The following DTNBP1 variants were observed in gnomAD, a reference collection of about 807,000 sequenced individuals.
DTNBP1 encodes dystrobrevin binding protein 1.
In DTNBP1, 35 loss-of-function variants were observed where a neutral mutation model predicts 42.8. The observed-to-expected ratio is 0.82, with a 90% CI of 0.63 to 1.09. The LOEUF is 1.09. DTNBP1 is among the 50% of genes least tolerant of loss of function. The probability of loss-of-function intolerance (pLI) is 0.00; values close to 1 mark genes in which losing one functional copy is unlikely to be tolerated. For synonymous variants in DTNBP1, 171 were observed against 162.2 expected (o/e 1.05, Z -0.41); for missense variants, 457 against 424.2 (o/e 1.08, Z -0.68).
intron 8 of DTNBP1, 74 bp from the exon 9 acceptor site, chr6:15,524,743 T>C: frequency 6.3e-7 from 1 of 1,577,346 alleles, no homozygotes; most frequent in Non-Finnish European, 8.6e-7. Flanking sequence ...CCATTGGCAT[T>C]AGGCTAACTA....
At chr6:15,635,900 G>A (rs1274044696) in intron 4 of DTNBP1, among the ~76,000 whole-genome samples, 1 of 152,126 alleles carries the variant, frequency 6.6e-6, no homozygotes, top group Non-Finnish European at 1.5e-5. Flanking sequence ...TTTATCTCTT[G>A]AAAGATTTTA....
intron 7 of DTNBP1, among the ~76,000 whole-genome samples, chr6:15,540,600 C>T (rs1213882984): frequency 2.6e-5 from 4 of 152,258 alleles, no homozygotes; most frequent in South Asian, 2.1e-4. Context: ...AATCATGTCT[C>T]GACCTTCACA....
Position 15,606,723 on chromosome 6 carries a change from A to G in DTNBP1, c.488+8544T>C, listed in dbSNP as rs531415833. Among the ~76,000 whole-genome samples, 12 of 152,350 alleles carry G rather than the reference A, an allele frequency of 7.9e-5. No individual in the cohort carries two copies. The East Asian group carries it at 2.1e-3, about 27-fold the overall frequency. On this transcript the variant is annotated intron_variant, in intron 6 of 9. Transcript: ENST00000344537. ...CAAACATTGTTAAAAAAATGCATGC[A>G]CATAAGCATATCACATATCCAACTT...
intron 7 of DTNBP1, among the ~76,000 whole-genome samples, chr6:15,584,196 C>A (rs147728292): frequency 3.9e-5 from 6 of 151,972 alleles, no homozygotes; most frequent in African/African-American, 1.2e-4. Flanking sequence ...GAGCAGACAC[C>A]TCAAAAATCT....
At chr6:15,572,104 A>G (rs1393067301) in intron 7 of DTNBP1, among the ~76,000 whole-genome samples, 1 of 152,224 alleles carries the variant, frequency 6.6e-6, no homozygotes, top group Non-Finnish European at 1.5e-5. Flanking sequence ...GCATGAATTC[A>G]TAATTACAAA....
intron 8 of DTNBP1, 24 bp downstream of exon 8, chr6:15,533,215 AC>A: frequency 6.2e-7 from 1 of 1,612,346 alleles, no homozygotes; most frequent in Non-Finnish European, 8.5e-7. Flanking sequence ...GAGTCCCCAC[AC>A]CAGCAGCCCC....
At chr6:15,536,502 T>C (rs1273896447) in intron 7 of DTNBP1, among the ~76,000 whole-genome samples, 2 of 152,250 alleles carry the variant, frequency 1.3e-5, no homozygotes, top group Non-Finnish European at 2.9e-5. Context: ...CCACAAGCCT[T>C]GGCAGCTTCC....
intron 7 of DTNBP1, among the ~76,000 whole-genome samples, chr6:15,566,351 A>G (rs1234524862): frequency 5.3e-5 from 8 of 151,968 alleles, no homozygotes; most frequent in Admixed American, 6.6e-5. Context: ...AAGCCCCCCA[A>G]ATGATTGAAT....
intron 6 of DTNBP1, among the ~76,000 whole-genome samples, chr6:15,606,155 A>G (rs1758037667): frequency 1.3e-5 from 2 of 152,222 alleles, no homozygotes; most frequent in African/African-American, 2.4e-5. Context: ...CCTAGGCTGT[A>G]TATTTCCCTA....
chr6:15,532,793 G>A (rs934852737), intron 8 of DTNBP1, among the ~76,000 whole-genome samples: 13 of 134,900 alleles, frequency 9.6e-5, no homozygotes, highest in African/African-American at 2.8e-4. Context: ...TCCGCCTCCC[G>A]GGTTCAAGTG....
chr6:15,661,252 G>A (rs1161336182), intron 1 of DTNBP1, among the ~76,000 whole-genome samples: 2 of 152,130 alleles, frequency 1.3e-5, no homozygotes, highest in Admixed American at 1.3e-4. Context: ...ACTTCAGGAA[G>A]CCTAGGAGGG....
intron 5 of DTNBP1, 81 bp downstream of exon 5, chr6:15,627,261 GA>G: frequency 6.4e-7 from 1 of 1,564,380 alleles, no homozygotes. Flanking sequence ...ATGTGTTCCT[GA>G]AAAGCTCTGA....
chr6:15,536,843 G>T (rs537697731), intron 7 of DTNBP1, among the ~76,000 whole-genome samples: 1 of 152,350 alleles, frequency 6.6e-6, no homozygotes, highest in Admixed American at 6.5e-5. Context: ...ACCCATGAAG[G>T]AGCTGCCCAA....
At chr6:15,630,890 CCT>C (rs1759659590) in intron 4 of DTNBP1, among the ~76,000 whole-genome samples, 1 of 152,222 alleles carries the variant, frequency 6.6e-6, no homozygotes, top group South Asian at 2.1e-4. Flanking sequence ...TGCACTCCAG[CCT>C]GGAGACAGAT....
chr6:15,524,931 CATTAA>C (rs1288921671), intron 8 of DTNBP1, among the ~76,000 whole-genome samples: 1 of 152,330 alleles, frequency 6.6e-6, no homozygotes, highest in East Asian at 1.9e-4. Context: ...CTAATCTCTG[CATTAA>C]GTGAGTCCCG....
chr6:15,637,365 T>C (rs531266994), intron 4 of DTNBP1, among the ~76,000 whole-genome samples: 49 of 152,342 alleles, frequency 3.2e-4, no homozygotes, highest in African/African-American at 1.1e-3. Context: ...TTAAGTTTTT[T>C]TGACCAAATA....
intron 5 of DTNBP1, among the ~76,000 whole-genome samples, chr6:15,625,903 T>C (rs550833514): frequency 1.3e-5 from 2 of 152,348 alleles, no homozygotes; most frequent in East Asian, 1.9e-4. Context: ...ACCATTACTA[T>C]ACCTGTAAGA....
chr6:15,574,045 T>C (rs1052832517), intron 7 of DTNBP1, among the ~76,000 whole-genome samples: 11 of 152,270 alleles, frequency 7.2e-5, no homozygotes, highest in Non-Finnish European at 1.5e-4. Context: ...CGGTTAAGTA[T>C]TTCACAGGTA....
At chr6:15,607,154 GCA>G (rs1398106255) in intron 6 of DTNBP1, among the ~76,000 whole-genome samples, 1 of 151,872 alleles carries the variant, frequency 6.6e-6, no homozygotes, top group African/African-American at 2.4e-5. Flanking sequence ...GGGATTACAG[GCA>G]CCCACTACCA....
Sources: gnomAD v4.1 joint callset for allele counts (sites outside exome capture counted in the v4.1 genomes callset) on GRCh38, gnomAD v4.1.1 for gene constraint, MANE v1.5 for transcripts, NCBI Gene and HGNC (gene_info 2026-07-23, HGNC 2026-07-21) for gene names.